NCKAP5: variants seen among roughly 807,000 people sequenced by gnomAD.
The protein encoded by NCKAP5 is NCK associated protein 5.
In NCKAP5, 92 loss-of-function variants were observed where a neutral mutation model predicts 167.0. The ratio of observed to expected loss-of-function variants is 0.55; its 90% CI spans 0.47 to 0.66. The LOEUF (loss-of-function observed/expected upper bound fraction) is 0.66. NCKAP5 is among the 30% of genes least tolerant of loss of function. The pLI is 0.00. For missense variants in NCKAP5, 2,378 were observed against 2,315.0 expected (o/e 1.03, Z -0.56); for synonymous variants, 891 against 877.4 (o/e 1.02, Z -0.27).
rs1297687211 is a variant in NCKAP5, at chr2:133,001,023, G to T, written c.342-6784C>A. On this transcript the variant is annotated intron_variant, in intron 6 of 19. Transcript: ENST00000409261. ...TATAAAGGAACTTCCTGGGATAAGA[G>T]TAATGTTCTGTAACTCTATAGGGAT... Among the ~76,000 whole-genome samples, 2 of 152,156 alleles carry T rather than the reference G, an allele frequency of 1.3e-5. 1 individual carries two copies. Among genetic ancestry groups the T allele is most frequent in the Middle Eastern group, 6.3e-3 (2 of 316 alleles).
At chr2:133,508,212 C>T (rs1404138431) in intron 3 of NCKAP5, among the ~76,000 whole-genome samples, 1 of 152,042 alleles carries the variant, frequency 6.6e-6, no homozygotes, top group Non-Finnish European at 1.5e-5. Flanking sequence ...GGAGTCACAC[C>T]CCATTCTTTT....
At chr2:133,031,004 G>C (rs2078861328) in intron 6 of NCKAP5, among the ~76,000 whole-genome samples, 1 of 151,990 alleles carries the variant, frequency 6.6e-6, no homozygotes, top group Non-Finnish European at 1.5e-5. Flanking sequence ...GATAACTCAA[G>C]ATAAACTCCT....
intron 3 of NCKAP5, among the ~76,000 whole-genome samples, chr2:133,447,417 C>T (rs1175774130): frequency 6.6e-6 from 1 of 151,556 alleles, no homozygotes; most frequent in East Asian, 1.9e-4. Flanking sequence ...TCCTTCCTTC[C>T]TTCCCTTTCT....
chr2:133,273,038 A>G (rs572224099), intron 4 of NCKAP5, among the ~76,000 whole-genome samples: 3 of 152,110 alleles, frequency 2.0e-5, no homozygotes, highest in African/African-American at 7.2e-5. Context: ...TTGTGTGGGC[A>G]TATGTATTCA....
chr2:133,624,695 C>G, the NCKAP5 span, among the ~76,000 whole-genome samples: 1 of 152,214 alleles, frequency 6.6e-6, no homozygotes, highest in Non-Finnish European at 1.5e-5. Context: ...CATTTGCACT[C>G]CCTTCAGTAT....
At chr2:133,036,767 G>A (rs372622519) in intron 6 of NCKAP5, among the ~76,000 whole-genome samples, 2 of 152,030 alleles carry the variant, frequency 1.3e-5, no homozygotes, top group East Asian at 1.9e-4. Flanking sequence ...ACATGACAAG[G>A]ATACTCACTG....
intron 19 of NCKAP5, among the ~76,000 whole-genome samples, chr2:132,702,273 T>C (rs1360646539): frequency 6.6e-6 from 1 of 152,206 alleles, no homozygotes; most frequent in Non-Finnish European, 1.5e-5. Flanking sequence ...AGGTTTGTGA[T>C]GAGCAACATC....
intron 3 of NCKAP5, among the ~76,000 whole-genome samples, chr2:133,439,987 T>C (rs1029956771): frequency 6.6e-6 from 1 of 152,208 alleles, no homozygotes; most frequent in Non-Finnish European, 1.5e-5. Context: ...CTCGGGTATG[T>C]TGTTTCTATG....
At chr2:133,434,907 T>C (rs1367482452) in intron 3 of NCKAP5, among the ~76,000 whole-genome samples, 1 of 152,224 alleles carries the variant, frequency 6.6e-6, no homozygotes, top group Non-Finnish European at 1.5e-5. Flanking sequence ...CACCTGTACG[T>C]ATCAGCAGAA....
chr2:133,173,823 G>A (rs2084345850), intron 5 of NCKAP5, among the ~76,000 whole-genome samples: 1 of 152,128 alleles, frequency 6.6e-6, no homozygotes, highest in Non-Finnish European at 1.5e-5. Flanking sequence ...ATTTAGTCAT[G>A]GTCTAGCTCT....
chr2:133,229,992 C>G (rs1055129550), intron 4 of NCKAP5, among the ~76,000 whole-genome samples: 4 of 152,166 alleles, frequency 2.6e-5, no homozygotes, highest in African/African-American at 9.7e-5. Flanking sequence ...CACACTGCCC[C>G]TTTCTGTTGG....
intron 6 of NCKAP5, among the ~76,000 whole-genome samples, chr2:133,075,295 A>G (rs1276335577): frequency 1.3e-5 from 2 of 152,182 alleles, no homozygotes; most frequent in South Asian, 4.1e-4. Context: ...TGTAAAATAA[A>G]GAGATTATCA....
chr2:133,297,445 T>C lies in NCKAP5; in HGVS notation c.143+5592A>G, dbSNP rs140748187. On this transcript the variant is annotated intron_variant, in intron 4 of 19. Transcript: ENST00000409261. ...CCTTTGCAACTTGAAAACCCAGAGATAGATTATAGGTCTATTTCAACAGAA... is the reference window on the plus strand; with the variant it reads ...CCTTTGCAACTTGAAAACCCAGAGACAGATTATAGGTCTATTTCAACAGAA... Among the ~76,000 whole-genome samples the C allele has an allele frequency of 4.0e-3, 615 of 152,212 alleles. 4 individuals are homozygous for C. The highest frequency in any genetic ancestry group is 0.014 in the African/African-American group (564 of 41,524).
Position 132,796,840 on chromosome 2 carries a change from T to C in NCKAP5, c.808-111A>G, listed in dbSNP as rs113781098. ...GACTTGACATTTCCAGATTAGATAA[T>C]ACATGTCCTAATTAAAAAAAGTTTA... On this transcript the variant is annotated intron_variant, in intron 11 of 19. Transcript: ENST00000409261. 1,779 of 708,798 alleles carry C rather than the reference T, an allele frequency of 2.5e-3. 6 individuals carry two copies. The highest frequency in any genetic ancestry group is 5.2e-3 in the Middle Eastern group (20 of 3,868). 43.9% of individuals were successfully genotyped at this position (708,798 alleles called of 1,614,324 possible).
At chr2:133,353,786 A>G (rs1684523220) in intron 3 of NCKAP5, among the ~76,000 whole-genome samples, 2 of 152,210 alleles carry the variant, frequency 1.3e-5, no homozygotes, top group South Asian at 4.1e-4. Context: ...GCCACTGGAC[A>G]GTCAAACTCC....
At chr2:133,652,166 C>T in the NCKAP5 span, among the ~76,000 whole-genome samples, 2 of 152,038 alleles carry the variant, frequency 1.3e-5, no homozygotes, top group African/African-American at 2.4e-5. Flanking sequence ...TAGTCACATA[C>T]TAAAATACAA....
At chr2:133,280,791 A>G (rs1423900570) in intron 4 of NCKAP5, among the ~76,000 whole-genome samples, 1 of 152,300 alleles carries the variant, frequency 6.6e-6, no homozygotes, top group Non-Finnish European at 1.5e-5. Context: ...TCACTTACGT[A>G]TCCTTTGTGG....
chr2:133,411,568 A>G (rs1688776582), intron 3 of NCKAP5, among the ~76,000 whole-genome samples: 1 of 152,100 alleles, frequency 6.6e-6, no homozygotes, highest in Non-Finnish European at 1.5e-5. Context: ...ATACGTGGAG[A>G]CTTTGAGATT....
intron 11 of NCKAP5, among the ~76,000 whole-genome samples, chr2:132,816,741 T>C (rs929704437): frequency 7.9e-5 from 12 of 152,156 alleles, no homozygotes; most frequent in Non-Finnish European, 1.8e-4. Flanking sequence ...GTCCCTAATA[T>C]GACACGGAGC....
Sources: allele counts gnomAD v4.1 joint callset (sites outside exome capture counted in the v4.1 genomes callset), GRCh38; gene constraint gnomAD v4.1.1; transcripts MANE v1.5; gene names NCBI Gene and HGNC (gene_info 2026-07-23, HGNC 2026-07-21).